Variants in SPATC1L observed in about 807,000 individuals in gnomAD.
SPATC1L encodes the protein speriolin-like protein.
In SPATC1L, 20 loss-of-function variants were observed where a neutral mutation model predicts 21.2. The ratio of observed to expected loss-of-function variants is 0.94; its 90% CI spans 0.66 to 1.37. The LOEUF is 1.37. Ranked by LOEUF, SPATC1L falls within the 40% of genes most tolerant of loss-of-function variation. The probability of loss-of-function intolerance (pLI) is 0.00; values close to 1 mark genes in which losing one functional copy is unlikely to be tolerated. For synonymous variants in SPATC1L, 290 were observed against 234.5 expected, an observed-to-expected ratio of 1.24 and a Z score of -2.16; for missense variants, 499 against 478.7, an observed-to-expected ratio of 1.04 and a Z score of -0.40.
At chr21:46,179,129 C>G in intron 2 of SPATC1L, among the ~76,000 whole-genome samples, 1 of 151,500 alleles carries the variant, frequency 6.6e-6, no homozygotes, top group South Asian at 2.1e-4. Context: ...GCACTGTAGT[C>G]CAAGCTACTC....
At position 46,183,054 on chromosome 21, in the gene SPATC1L, CCA is replaced by C; in HGVS notation, c.-240_-239del. ...GGAGGCCCGTGGCGTGCACAGGCAGCCACTCCCACATTATGACCAGGGCCCGA... is the reference window on the plus strand; with the variant it reads ...GGAGGCCCGTGGCGTGCACAGGCAGCCTCCCACATTATGACCAGGGCCCGA... On this transcript the variant is annotated 5_prime_UTR_variant, in exon 2 of 5. The change creates a premature stop within an existing upstream ORF in the 5' untranslated region. Transcript: ENST00000291672. 8.0e-6 allele frequency: 4 copies of C among 498,504 alleles called. No individual in the cohort carries two copies. The highest frequency in any genetic ancestry group is 1.4e-5 in the Non-Finnish European group (4 of 285,384). 30.9% of individuals were successfully genotyped at this position (498,504 alleles called of 1,614,324 possible).
At position 46,183,176 on chromosome 21, in the gene SPATC1L, G is replaced by A. The variant is rs1485843651; in HGVS notation, c.-360C>T. ...CCCATTGAGCGGCCCAGCCAGGGTC[G>A]GGTGTCCACCCTGTGTGGTGTCCTC... On this transcript the variant is annotated 5_prime_UTR_variant, in exon 2 of 5. The change creates a premature stop within an existing upstream ORF in the 5' untranslated region. Coordinates refer to ENST00000291672, the MANE Select transcript of SPATC1L (RefSeq NM_001142854.2). 7.0e-6 allele frequency: 2 copies of A among 284,140 alleles called. No individual in the cohort carries two copies. Among genetic ancestry groups the A allele is most frequent in the Non-Finnish European group, 1.3e-5 (2 of 151,612 alleles). 17.6% of individuals were successfully genotyped at this position (284,140 alleles called of 1,614,324 possible). A position where few individuals can be genotyped will look rare whatever the true frequency, so the allele number is the denominator to read the frequency against.
chr21:46,169,293 A>G (rs75009205), intron 2 of SPATC1L, among the ~76,000 whole-genome samples: 1,076 of 103,602 alleles, frequency 0.01, 7 homozygotes, highest in Middle Eastern at 0.033. Flanking sequence ...TGCTCTGTGA[A>G]CATCCTCTGT....
chr21:46,164,391 C>A (rs1248267007), intron 3 of SPATC1L, among the ~76,000 whole-genome samples: 1 of 152,138 alleles, frequency 6.6e-6, no homozygotes, highest in Non-Finnish European at 1.5e-5. Flanking sequence ...TTCAAGACTG[C>A]AGAAGAGGTA....
In SPATC1L at chr21:46,162,045, G is replaced by GGC; in HGVS notation, c.565_566dup (p.Glu190ProfsTer27). ...CGCCCACCACGCGCGCGTCCTTCTCGGCGCCCGCGAAGCTCTGGATCTCTG... is the reference window on the plus strand; with the variant it reads ...CGCCCACCACGCGCGCGTCCTTCTCGGCGCGCCCGCGAAGCTCTGGATCTCTG... On this transcript the variant is annotated frameshift_variant, in exon 4 of 5. Coordinates refer to ENST00000291672, the MANE Select transcript of SPATC1L (RefSeq NM_001142854.2). LOFTEE classifies it high-confidence loss of function. 1 of 1,583,092 alleles carries GGC rather than the reference G, an allele frequency of 6.3e-7. No individual in the cohort carries two copies. Among genetic ancestry groups the GGC allele is most frequent in the Admixed American group, 1.8e-5 (1 of 56,370 alleles).
At chr21:46,172,874 T>C (rs537016496) in intron 2 of SPATC1L, among the ~76,000 whole-genome samples, 1 of 152,286 alleles carries the variant, frequency 6.6e-6, no homozygotes, top group South Asian at 2.1e-4. Flanking sequence ...TGAGCACTGG[T>C]GCTCATTTTT....
At chr21:46,165,999 A>C (rs1020641558) in intron 3 of SPATC1L, among the ~76,000 whole-genome samples, 1 of 152,228 alleles carries the variant, frequency 6.6e-6, no homozygotes, top group East Asian at 1.9e-4. Flanking sequence ...CTAGATAAAG[A>C]GGAGGGAAGA....
chr21:46,172,060 G>A lies in SPATC1L; in HGVS notation c.194-3402C>T, dbSNP rs139646842. 8.3e-3 allele frequency among the ~76,000 whole-genome samples: 1,264 copies of A among 151,410 alleles called. 33 individuals carry two copies. The highest frequency in any genetic ancestry group is 0.03 in the African/African-American group (1,221 of 41,158). ...AGTGTGCACAGAGCATGAGGCAGGA[G>A]TGCAGAGCATGAGGCGGGGGATGCA... On this transcript the variant is annotated intron_variant, in intron 2 of 4. Transcript: ENST00000291672.
Position 46,183,040 on chromosome 21 carries a change from G to A in SPATC1L, c.-224C>T. On this transcript the variant is annotated 5_prime_UTR_variant, in exon 2 of 5. Transcript: ENST00000291672. ...GAGGCAGTGAAGCTGGAGGCCCGTG[G>A]CGTGCACAGGCAGCCACTCCCACAT... The A allele has an allele frequency of 3.9e-6, 2 of 513,956 alleles. No individual in the cohort carries two copies. Among genetic ancestry groups the A allele is most frequent in the Non-Finnish European group, 6.7e-6 (2 of 296,792 alleles). 31.8% of individuals were successfully genotyped at this position (513,956 alleles called of 1,614,324 possible). A position where few individuals can be genotyped will look rare whatever the true frequency, so the allele number is the denominator to read the frequency against.
intron 2 of SPATC1L, among the ~76,000 whole-genome samples, chr21:46,174,798 G>A (rs555189813): frequency 4.1e-4 from 62 of 152,258 alleles, no homozygotes; most frequent in Admixed American, 1.4e-3. Flanking sequence ...ACTCAGCACC[G>A]GATCAAATGT....
At chr21:46,172,373 G>A (rs147768262) in intron 2 of SPATC1L, among the ~76,000 whole-genome samples, 4 of 152,336 alleles carry the variant, frequency 2.6e-5, no homozygotes, top group East Asian at 1.9e-4. Flanking sequence ...TACCAGATAC[G>A]GTCCCTGGCA....
chr21:46,172,626 T>TCAAGGC (rs2079602459), intron 2 of SPATC1L, among the ~76,000 whole-genome samples: 1 of 152,088 alleles, frequency 6.6e-6, no homozygotes, highest in Non-Finnish European at 1.5e-5. Flanking sequence ...CCCATGAAAG[T>TCAAGGC]CAAGGCCAAG....
rs747086694 is a variant in SPATC1L at position 46,161,538 on chromosome 21, C to T, written c.864G>A (p.Arg288=). ...LINTYGILKQ[R]PDLRANPLHS... Reference sequence around the variant, plus strand: ...GCAGGGGGTTGGCGCGCAGGTCGGGCCGCTGCTTCAGGATTCCGTAGGTGT... The same window carrying T: ...GCAGGGGGTTGGCGCGCAGGTCGGGTCGCTGCTTCAGGATTCCGTAGGTGT... Residue 288 remains arginine, a synonymous_variant, in exon 5 of 5, where the codon CGG becomes CGA. Transcript: ENST00000291672. The T allele has an allele frequency of 1.4e-5, 22 of 1,610,468 alleles. No individual in the cohort carries two copies. The South Asian group carries it at 2.3e-4, about 17-fold the overall frequency.
intron 2 of SPATC1L, among the ~76,000 whole-genome samples, chr21:46,175,653 G>T (rs1267805278): frequency 6.6e-6 from 1 of 152,108 alleles, no homozygotes; most frequent in East Asian, 1.9e-4. Flanking sequence ...CTCTAAAATT[G>T]AGTCAGTAAT....
rs2079556577 is a variant in SPATC1L at position 46,168,425 on chromosome 21, A to T, written c.427T>A (p.Ser143Thr). The T allele has an allele frequency of 6.2e-7, 1 of 1,612,068 alleles. No homozygotes were observed. Among genetic ancestry groups the T allele is most frequent in the African/African-American group, 1.3e-5 (1 of 74,786 alleles). Reference sequence around the variant, plus strand: ...TCCAGCAGGGTCTTGTCCACCAGTGAGTCTTGCAAGGGGCTCAGGAGCGGG... The same window carrying T: ...TCCAGCAGGGTCTTGTCCACCAGTGTGTCTTGCAAGGGGCTCAGGAGCGGG... ...LSPLLSPLQD[S>T]LVDKTLLEPR... Residue 143 changes from serine to threonine, a missense_variant, in exon 3 of 5, where the codon TCA (serine) becomes ACA (threonine). By Grantham distance (58) the Ser-to-Thr change is moderately conservative (BLOSUM62 1). Transcript: ENST00000291672.
rs2079699921 is a variant in SPATC1L, at chr21:46,183,702, A to G, written c.-886T>C. ...AGGAGACCAGCCTGGTGAGGAGACC[A>G]GCCTGGGGGAGGAGACCAGCTTGCG... On this transcript the variant is annotated 5_prime_UTR_variant, in exon 2 of 5. Coordinates refer to ENST00000291672, the MANE Select transcript of SPATC1L (RefSeq NM_001142854.2). 1 of 2,624 alleles carries G rather than the reference A, an allele frequency of 3.8e-4. No homozygotes were observed. 0.2% of individuals were successfully genotyped at this position (2,624 alleles called of 1,614,324 possible). A position where few individuals can be genotyped will look rare whatever the true frequency, so the allele number is the denominator to read the frequency against.
intron 2 of SPATC1L, among the ~76,000 whole-genome samples, chr21:46,172,161 AGGCGGGGGATGCACAGAGC>A (rs2079598123): frequency 2.3e-5 from 1 of 44,050 alleles, no homozygotes. Flanking sequence ...AAAGAGCGTG[AGGCGGGGGATGCACAGAGC>A]GTGAGGCGGA....
chr21:46,182,071 G>A (rs1391813680), intron 2 of SPATC1L, among the ~76,000 whole-genome samples: 1 of 152,178 alleles, frequency 6.6e-6, no homozygotes, highest in Non-Finnish European at 1.5e-5. Flanking sequence ...AGCCCCGCAG[G>A]GACAGGCGCC....
chr21:46,170,786 G>C (rs555809405), intron 2 of SPATC1L, among the ~76,000 whole-genome samples: 4 of 127,332 alleles, frequency 3.1e-5, no homozygotes, highest in Non-Finnish European at 4.8e-5. Context: ...TCTGTGGATG[G>C]GGAGGAGCCC....
Sources: allele counts gnomAD v4.1 joint callset (sites outside exome capture counted in the v4.1 genomes callset), GRCh38; gene constraint gnomAD v4.1.1; transcripts MANE v1.5; gene names NCBI Gene and HGNC (gene_info 2026-07-23, HGNC 2026-07-21).